Variants in CNTNAP2 observed in about 807,000 individuals in gnomAD.
CNTNAP2 encodes the protein contactin associated protein 2.
In CNTNAP2, 98 loss-of-function variants were observed where a neutral mutation model predicts 155.2. That is an observed-to-expected ratio of 0.63 (90% CI 0.54 to 0.75). The LOEUF is 0.75. Among genes scored for constraint, CNTNAP2 ranks in the 30% least tolerant of loss-of-function variants. The pLI, the probability that CNTNAP2 is intolerant of heterozygous loss-of-function variation, is 0.00. For synonymous variants in CNTNAP2, 651 were observed against 631.2 expected (o/e 1.03, Z -0.47); for missense variants, 1,727 against 1,688.1 (o/e 1.02, Z -0.40).
chr7:146,947,429 T>TATAC (rs1491352550), intron 3 of CNTNAP2, among the ~76,000 whole-genome samples: 451 of 130,318 alleles, frequency 3.5e-3, no homozygotes, highest in African/African-American at 0.012. Context: ...TATATATATA[T>TATAC]ACATACACAC....
chr7:146,815,185 C>G (rs1402395111), intron 2 of CNTNAP2, among the ~76,000 whole-genome samples: 1 of 151,960 alleles, frequency 6.6e-6, no homozygotes, highest in African/African-American at 2.4e-5. Flanking sequence ...AAGATAGTAG[C>G]AAATAACAAT....
intron 15 of CNTNAP2, among the ~76,000 whole-genome samples, chr7:148,076,360 C>T (rs1453769134): frequency 6.6e-6 from 1 of 150,728 alleles, no homozygotes; most frequent in Non-Finnish European, 1.5e-5. Context: ...ATGATCTCGC[C>T]CAAAATGTCA....
At chr7:147,111,689 C>T (rs542930850) in intron 5 of CNTNAP2, among the ~76,000 whole-genome samples, 2 of 152,092 alleles carry the variant, frequency 1.3e-5, no homozygotes, top group Non-Finnish European at 2.9e-5. Flanking sequence ...GGTGTATGGT[C>T]TTATTTCTGA....
intron 1 of CNTNAP2, among the ~76,000 whole-genome samples, chr7:146,550,028 G>T (rs1389994160): frequency 6.6e-6 from 1 of 152,028 alleles, no homozygotes; most frequent in Non-Finnish European, 1.5e-5. Context: ...AAAAAGAAAA[G>T]CGTGGAACCT....
At chr7:148,384,641 C>CT (rs1434228218) in intron 22 of CNTNAP2, among the ~76,000 whole-genome samples, 5 of 152,160 alleles carry the variant, frequency 3.3e-5, no homozygotes, top group Non-Finnish European at 7.3e-5. Flanking sequence ...AGTGTAACCT[C>CT]TAAGTGACCT....
chr7:148,238,864 G>A (rs1796093500), intron 20 of CNTNAP2, among the ~76,000 whole-genome samples: 1 of 152,104 alleles, frequency 6.6e-6, no homozygotes, highest in East Asian at 1.9e-4. Context: ...TATTACCCTT[G>A]AACTTTCTGC....
At chr7:146,872,905 A>G (rs186363972) in intron 3 of CNTNAP2, among the ~76,000 whole-genome samples, 29 of 152,218 alleles carry the variant, frequency 1.9e-4, no homozygotes, top group Non-Finnish European at 3.7e-4. Context: ...GCCAATGTTT[A>G]TCGTTATTCC....
chr7:146,788,465 T>G (rs1269579047), intron 2 of CNTNAP2, among the ~76,000 whole-genome samples: 4 of 152,208 alleles, frequency 2.6e-5, no homozygotes, highest in Non-Finnish European at 4.4e-5. Flanking sequence ...ATGATTAAAT[T>G]TATTCCAACA....
chr7:148,349,185 G>C (rs1798374632), intron 21 of CNTNAP2, among the ~76,000 whole-genome samples: 1 of 152,066 alleles, frequency 6.6e-6, no homozygotes, highest in South Asian at 2.1e-4. Flanking sequence ...GAAAAAAATG[G>C]TAGTATGATA....
chr7:147,491,043 G>A (rs1405336297), intron 11 of CNTNAP2, among the ~76,000 whole-genome samples: 4 of 152,222 alleles, frequency 2.6e-5, no homozygotes, highest in African/African-American at 7.2e-5. Flanking sequence ...CCCTCAACAC[G>A]TGGGGATTAC....
chr7:148,075,361 C>T (rs552118445), intron 15 of CNTNAP2, among the ~76,000 whole-genome samples: 10 of 151,966 alleles, frequency 6.6e-5, no homozygotes, highest in African/African-American at 1.2e-4. Context: ...CGCTTGAACC[C>T]GGGAGACAGA....
chr7:146,878,725 C>T (rs982429212), intron 3 of CNTNAP2, among the ~76,000 whole-genome samples: 4 of 152,032 alleles, frequency 2.6e-5, no homozygotes, highest in African/African-American at 7.2e-5. Context: ...TCAGCTTTCT[C>T]GCTGCTTCTC....
At position 147,903,625 on chromosome 7, in the gene CNTNAP2, G is replaced by T. The variant is rs778653497; in HGVS notation, c.2159G>T (p.Gly720Val). The change falls in exon 14 of 24, where the codon GGC becomes GTC. Residue 720 changes from glycine (G) to valine (V), a missense_variant. By Grantham distance (109) the Gly-to-Val change is moderately radical. Coordinates refer to ENST00000361727, the MANE Select transcript of CNTNAP2 (RefSeq NM_014141.6). ...AACGAGAAGCACTACTACTGGGGAG[G>T]CTCTGGGCCTGGAATCCAGAAATGT... ...KANEKHYYWG[G>V]SGPGIQKCAC... is the part of the protein sequence containing the mutation. 1 of 1,614,154 alleles carries T rather than the reference G, an allele frequency of 6.2e-7. No homozygotes were observed. The highest frequency in any genetic ancestry group is 8.5e-7 in the Non-Finnish European group (1 of 1,180,014).
intron 14 of CNTNAP2, among the ~76,000 whole-genome samples, chr7:147,965,876 G>C (rs557943921): frequency 1.4e-4 from 21 of 152,044 alleles, no homozygotes; most frequent in Non-Finnish European, 2.6e-4. Context: ...TTGTAGCTGA[G>C]GTGGTGTGCC....
At chr7:147,084,757 GAT>G (rs1339901407) in intron 4 of CNTNAP2, among the ~76,000 whole-genome samples, 2 of 147,090 alleles carry the variant, frequency 1.4e-5, no homozygotes, top group African/African-American at 2.5e-5. Flanking sequence ...TATAATATGT[GAT>G]ATATGATATA....
At chr7:147,908,321 T>C (rs7797634) in intron 14 of CNTNAP2, among the ~76,000 whole-genome samples, 4,739 of 152,328 alleles carry the variant, frequency 0.031, 226 homozygotes, top group African/African-American at 0.11. Flanking sequence ...AGCCAGGCTA[T>C]TCCGCTGAAT....
intron 4 of CNTNAP2, among the ~76,000 whole-genome samples, chr7:147,096,520 T>C (rs976473339): frequency 6.6e-6 from 1 of 152,156 alleles, no homozygotes; most frequent in Non-Finnish European, 1.5e-5. Flanking sequence ...GAAATATGTC[T>C]CTCTTGGTCA....
At position 147,450,990 on chromosome 7, in the gene CNTNAP2, C is replaced by T. The variant is rs191521896; in HGVS notation, c.1671-34945C>T. Among the ~76,000 whole-genome samples, 224 of 152,350 alleles carry T rather than the reference C, an allele frequency of 1.5e-3. 1 individual carries two copies. The highest frequency in any genetic ancestry group is 5.1e-3 in the African/African-American group (214 of 41,582). ...ACATTAAATCCAGGCCAGACCCTTA[C>T]TGTTCTTTGACCAGGCCATGCAGAG... On this transcript the variant is annotated intron_variant, in intron 10 of 23. Coordinates refer to ENST00000361727, the MANE Select transcript of CNTNAP2 (RefSeq NM_014141.6).
At position 147,592,095 on chromosome 7, in the gene CNTNAP2, C is replaced by T. The variant is rs555428175; in HGVS notation, c.1897+29838C>T. On this transcript the variant is annotated intron_variant, in intron 12 of 23. Coordinates refer to ENST00000361727, the MANE Select transcript of CNTNAP2 (RefSeq NM_014141.6). ...CATTGTATAGGATAATTATTTCTGC[C>T]TTGGACTAAGTGCCTGTGAACAGGG... Among the ~76,000 whole-genome samples the T allele has an allele frequency of 1.1e-4, 17 of 152,272 alleles. No individual in the cohort carries two copies. In the South Asian group the frequency reaches 3.3e-3, roughly 30 times the overall value.
Sources: allele counts gnomAD v4.1 joint callset (sites outside exome capture counted in the v4.1 genomes callset), GRCh38; gene constraint gnomAD v4.1.1; transcripts MANE v1.5; gene names NCBI Gene and HGNC (gene_info 2026-07-23, HGNC 2026-07-21).